RNF123: variants seen among roughly 807,000 people sequenced by gnomAD.
RNF123 encodes E3 ubiquitin-protein ligase RNF123.
RNF123 carries 86 observed loss-of-function variants against 168.5 expected under a neutral mutation model. The observed-to-expected ratio is 0.51, with a 90% CI of 0.43 to 0.61. RNF123 has a LOEUF of 0.61. Ranked by LOEUF, RNF123 falls within the 20% of genes least tolerant of loss-of-function variation. The pLI is 0.00. For synonymous variants in RNF123, 666 were observed against 689.1 expected (o/e 0.97, Z 0.52); for missense variants, 1,419 against 1,729.7 (o/e 0.82, Z 3.19).
intron 23 of RNF123, 120 bp from the exon 24 acceptor site, chr3:49,705,414 T>TC: frequency 7.1e-7 from 1 of 1,417,500 alleles, no homozygotes; most frequent in Non-Finnish European, 9.5e-7. Flanking sequence ...CCCCATGGGC[T>TC]CCCCGCGGGT....
chr3:49,694,565 G>A (rs2054230633), intron 3 of RNF123, among the ~76,000 whole-genome samples: 1 of 152,184 alleles, frequency 6.6e-6, no homozygotes, highest in African/African-American at 2.4e-5. Flanking sequence ...TAAGACTGTT[G>A]CCAGATTACT....
At position 49,703,889 on chromosome 3, in the gene RNF123, T is replaced by C. The variant is rs545197021; in HGVS notation, c.1852+361T>C. On this transcript the variant is annotated intron_variant, in intron 21 of 38. Transcript: ENST00000327697. ...CCTGAGCCGGGCACAAGGGTGGGTCTGTGCTGTCAGAACCTCTCTCTGGCT... is the reference window on the plus strand; with the variant it reads ...CCTGAGCCGGGCACAAGGGTGGGTCCGTGCTGTCAGAACCTCTCTCTGGCT... Among the ~76,000 whole-genome samples, 5 of 152,288 alleles carry C rather than the reference T, an allele frequency of 3.3e-5. No homozygotes were observed. The South Asian group carries it at 1.0e-3, about 32-fold the overall frequency.
intron 20 of RNF123, 41 bp from the exon 21 acceptor site, chr3:49,703,386 T>C: frequency 1.3e-6 from 2 of 1,546,564 alleles, no homozygotes; most frequent in Non-Finnish European, 1.8e-6. Context: ...GTCTTCCTAC[T>C]GGGCCGTGAC....
intron 35 of RNF123, chr3:49,718,356 G>C: frequency 1.9e-6 from 3 of 1,613,396 alleles, no homozygotes; most frequent in Non-Finnish European, 1.7e-6. Context: ...GAAAGTGCAC[G>C]CTCACGTTGT....
chr3:49,702,724 C>A lies in RNF123; in HGVS notation c.1721C>A (p.Ala574Asp), dbSNP rs1485523143. 2 of 1,614,134 alleles carry A rather than the reference C, an allele frequency of 1.2e-6. No individual in the cohort carries two copies. Among genetic ancestry groups the A allele is most frequent in the Non-Finnish European group, 1.7e-6 (2 of 1,180,034 alleles). The change falls in exon 20 of 39, where the codon GCT becomes GAT. Residue 574 changes from alanine (A) to aspartate (D), a missense_variant. Around this residue, in one of 5 missense-constraint regions of RNF123, gnomAD observed 349 missense variants for 344.9 expected, o/e 1.01. Transcript: ENST00000327697. ...CGCTACTATTGGGATGAATACAAGG[C>A]TTCCAATCCTCATGCTTCCTTCAGT... ...ALRYYWDEYKASNPHASFSEE... is the reference protein window; with the variant it reads ...ALRYYWDEYKDSNPHASFSEE...
intron 1 of RNF123, among the ~76,000 whole-genome samples, chr3:49,690,269 C>A (rs115455998): frequency 6.6e-6 from 1 of 152,184 alleles, no homozygotes; most frequent in Non-Finnish European, 1.5e-5. Context: ...TTGTGCTGTC[C>A]AACAGAGTAA....
intron 1 of RNF123, among the ~76,000 whole-genome samples, 184 bp from the exon 2 acceptor site, chr3:49,690,946 G>A (rs1273011000): frequency 6.6e-6 from 1 of 152,168 alleles, no homozygotes; most frequent in Non-Finnish European, 1.5e-5. Flanking sequence ...CTGTTACATG[G>A]GCCTAGACCC....
rs1304178856 is a variant in RNF123, at chr3:49,713,550, C to T, written c.2712C>T (p.Leu904=). 2.5e-5 allele frequency: 40 copies of T among 1,612,480 alleles called. No individual in the cohort carries two copies. Among genetic ancestry groups the T allele is most frequent in the South Asian group, 4.4e-5 (4 of 90,670 alleles). ...EETLTRLAAI[L]AKHFADARIV... is the part of the protein sequence containing the mutation. Reference sequence around the variant, plus strand: ...CCCTGACCCGCCTGGCTGCCATTCTCGCCAAACACTTTGCCGACGCACGCA... The same window carrying T: ...CCCTGACCCGCCTGGCTGCCATTCTTGCCAAACACTTTGCCGACGCACGCA... The change falls in exon 28 of 39, where the codon CTC becomes CTT. Residue 904 remains leucine (L), a synonymous_variant. Coordinates refer to ENST00000327697, the MANE Select transcript of RNF123 (RefSeq NM_022064.5).
At chr3:49,702,241 T>C in intron 18 of RNF123, 93 bp from the exon 19 acceptor site, 13 of 1,584,288 alleles carry the variant, frequency 8.2e-6, no homozygotes, top group African/African-American at 1.3e-5. Context: ...TTGGTTCCCA[T>C]GGCAGGGGCT....
chr3:49,698,457 A>C lies in RNF123; in HGVS notation c.501A>C (p.Thr167=), dbSNP rs1431978296. The change falls in exon 8 of 39, where the codon ACA becomes ACC. Residue 167 remains threonine (T), a synonymous_variant. Coordinates refer to ENST00000327697, the MANE Select transcript of RNF123 (RefSeq NM_022064.5). ...CTCCCTAGGAGGGGGTTGGAGATACACACAACTCCTATGCCTATGATGGCA... is the reference window on the plus strand; with the variant it reads ...CTCCCTAGGAGGGGGTTGGAGATACCCACAACTCCTATGCCTATGATGGCA... ...RFNQEEGVGD[T]HNSYAYDGNR... is the part of the protein sequence containing the mutation. 1 of 1,613,890 alleles carries C rather than the reference A, an allele frequency of 6.2e-7. No homozygotes were observed. Among genetic ancestry groups the C allele is most frequent in the Admixed American group, 1.7e-5 (1 of 60,026 alleles).
chr3:49,715,749 T>A, intron 32 of RNF123, 35 bp downstream of exon 32: 9 of 1,614,134 alleles, frequency 5.6e-6, no homozygotes, highest in Non-Finnish European at 7.6e-6. Context: ...GTTAGGGTGG[T>A]GCAAGGGATG....
At position 49,697,370 on chromosome 3, in the gene RNF123, T is replaced by C; in HGVS notation, c.255T>C (p.Val85=). 1 of 1,608,074 alleles carries C rather than the reference T, an allele frequency of 6.2e-7. No homozygotes were observed. Among genetic ancestry groups the C allele is most frequent in the African/African-American group, 1.3e-5 (1 of 74,920 alleles). ...CACCTCTCCTCTTTTCAGGACAGGT[T>C]GAAGGGCGGCTTGGCCCATCCACTG... ...DNEEEESQGQ[V]EGRLGPSTVV... is the part of the protein sequence containing the mutation. The change falls in exon 5 of 39, where the codon GTT becomes GTC. Residue 85 remains valine, a synonymous_variant. Coordinates refer to ENST00000327697, the MANE Select transcript of RNF123 (RefSeq NM_022064.5).
intron 3 of RNF123, among the ~76,000 whole-genome samples, chr3:49,695,032 G>A (rs1010216031): frequency 4.6e-5 from 7 of 152,236 alleles, no homozygotes; most frequent in African/African-American, 1.2e-4. Context: ...GTCTCAGGCC[G>A]ACTGCCCACA....
chr3:49,698,392 C>T (rs1222590581), intron 7 of RNF123, 48 bp from the exon 8 acceptor site: 1 of 1,532,754 alleles, frequency 6.5e-7, no homozygotes, highest in African/African-American at 1.4e-5. Context: ...GGCTCTGGCC[C>T]AGACCCTGCC....
At chr3:49,708,135 G>A (rs2054553074) in intron 26 of RNF123, among the ~76,000 whole-genome samples, 1 of 152,016 alleles carries the variant, frequency 6.6e-6, no homozygotes, top group Non-Finnish European at 1.5e-5. Flanking sequence ...GCTACTTTTT[G>A]TATTTTTTGG....
At chr3:49,694,732 T>TG (rs1214807186) in intron 3 of RNF123, among the ~76,000 whole-genome samples, 1 of 152,264 alleles carries the variant, frequency 6.6e-6, no homozygotes, top group Non-Finnish European at 1.5e-5. Context: ...TTTAAGCAAC[T>TG]GTGGTGGTCA....
In RNF123 at chr3:49,704,657, T is replaced by G. The variant is rs1224020790; in HGVS notation, c.1860T>G (p.Leu620=). The G allele has an allele frequency of 1.2e-6, 2 of 1,609,470 alleles. No individual in the cohort carries two copies. Among genetic ancestry groups the G allele is most frequent in the Non-Finnish European group, 1.7e-6 (2 of 1,177,954 alleles). The change falls in exon 22 of 39, where the codon CTT becomes CTG. Residue 620 remains leucine (L), a synonymous_variant. Coordinates refer to ENST00000327697, the MANE Select transcript of RNF123 (RefSeq NM_022064.5). ...SHLRKTLKDD[L]ASKANIVIDP... is the part of the protein sequence containing the mutation. The stretch of plus-strand genomic sequence containing the variant: ...TCCTGCTCTTCCTCCCAGATGACCT[T>G]GCTTCCAAAGCCAACATTGTGATCG...
At chr3:49,706,928 G>A (rs1003794175) in intron 26 of RNF123, 30 bp downstream of exon 26, 12 of 1,589,240 alleles carry the variant, frequency 7.6e-6, no homozygotes, top group South Asian at 4.4e-5. Context: ...GCCCCTTCCC[G>A]ACCTCACTGT....
chr3:49,716,030 A>G lies in RNF123; in HGVS notation c.3339+20A>G, dbSNP rs1429414327. 1.2e-6 allele frequency: 2 copies of G among 1,613,828 alleles called. No homozygotes were observed. Among genetic ancestry groups the G allele is most frequent in the Non-Finnish European group, 1.7e-6 (2 of 1,179,922 alleles). ...GCACAGGTGTGGCCATCTGGGCAAC[A>G]AGGGTGGGACCCTGGGGATGCCCCA... is the stretch of plus-strand genomic sequence containing the variant. On this transcript the variant is annotated intron_variant, in intron 33 of 38. Coordinates refer to ENST00000327697, the MANE Select transcript of RNF123 (RefSeq NM_022064.5).
Sources: allele counts gnomAD v4.1 joint callset (sites outside exome capture counted in the v4.1 genomes callset), GRCh38; gene constraint gnomAD v4.1.1; regional missense constraint gnomAD v4.1.1; transcripts MANE v1.5; gene names NCBI Gene and HGNC (gene_info 2026-07-23, HGNC 2026-07-21).